Variants in NCF4 observed in about 807,000 individuals in gnomAD.
NCF4 encodes neutrophil cytosolic factor 4, also known as neutrophil cytosol factor 4.
A neutral mutation model predicts 41.7 loss-of-function variants in NCF4; 30 were observed. That is an observed-to-expected ratio of 0.72 (90% confidence interval 0.54 to 0.97). NCF4 has a LOEUF of 0.97. Among genes scored for constraint, NCF4 ranks in the 50% least tolerant of loss-of-function variants. The pLI is 0.00. For missense variants in NCF4, 432 were observed against 460.9 expected (o/e 0.94, Z 0.57); for synonymous variants, 195 against 175.8 (o/e 1.11, Z -0.87).
intron 7 of NCF4, among the ~76,000 whole-genome samples, chr22:36,872,944 G>T (rs34275024): frequency 1.8e-5 from 2 of 111,398 alleles, no homozygotes; most frequent in East Asian, 2.7e-4. Context: ...GGATGGAGGT[G>T]AGATTGGAGG....
chr22:36,862,211 G>C (rs1242773449), intron 1 of NCF4, among the ~76,000 whole-genome samples: 1 of 152,256 alleles, frequency 6.6e-6, no homozygotes, highest in Non-Finnish European at 1.5e-5. Flanking sequence ...CACTCAGGGG[G>C]TCACCAGAGA....
chr22:36,872,232 C>A (rs1569114622), intron 6 of NCF4, 95 bp from the exon 7 acceptor site: 2 of 1,011,072 alleles, frequency 2.0e-6, no homozygotes, highest in Non-Finnish European at 3.2e-6. Flanking sequence ...TCAGTTTCTA[C>A]ATCTGTAAAA....
Position 36,877,618 on chromosome 22 carries a change from T to TC in NCF4, c.825-7dup. 6.2e-7 allele frequency: 1 copy of TC among 1,614,108 alleles called. No individual in the cohort carries two copies. Among genetic ancestry groups the TC allele is most frequent in the Middle Eastern group, 1.6e-4 (1 of 6,062 alleles). ...AGGCCCTTTGATTATCCCTGACTTT[T>TC]CCCATGCAGGCGGGAGTTCCAGAGA... On this transcript the variant is annotated splice_polypyrimidine_tract_variant and intron_variant, in intron 9 of 9. Transcript: ENST00000248899.
chr22:36,873,545 C>T (rs561780597), intron 7 of NCF4, among the ~76,000 whole-genome samples: 14 of 152,148 alleles, frequency 9.2e-5, no homozygotes, highest in South Asian at 4.2e-4. Flanking sequence ...GGGGAGCCTG[C>T]GGGAACAAAG....
intron 9 of NCF4, 105 bp from the exon 10 acceptor site, chr22:36,877,523 C>A (rs1940218623): frequency 2.4e-6 from 3 of 1,232,164 alleles, no homozygotes; most frequent in Non-Finnish European, 2.4e-6. Context: ...CAGGCTCTGA[C>A]TTTTTCTTAC....
At chr22:36,871,116 C>T (rs544258855) in intron 5 of NCF4, among the ~76,000 whole-genome samples, 3 of 152,356 alleles carry the variant, frequency 2.0e-5, no homozygotes, top group Admixed American at 1.3e-4. Context: ...AGCTCCTGAG[C>T]TCCCCACCAG....
intron 7 of NCF4, among the ~76,000 whole-genome samples, chr22:36,875,000 G>A (rs141986093): frequency 1.1e-4 from 16 of 152,270 alleles, no homozygotes; most frequent in Non-Finnish European, 1.8e-4. Flanking sequence ...TGGAAACTCC[G>A]TGGGGGCAAG....
chr22:36,864,128 T>C lies in NCF4; in HGVS notation c.116T>C (p.Phe39Ser), dbSNP rs1341984523. Reference protein sequence around the residue: ...IEEKRGFTSHFVFVIEVKTKG... With the variant: ...IEEKRGFTSHSVFVIEVKTKG... ...GAGAAGAGAGGCTTCACCAGCCACT[T>C]TGTAAGACAGACTCCTAGTCCTTCA... Residue 39 changes from phenylalanine (F) to serine (S), a missense_variant and splice_region_variant, in exon 2 of 10, where the codon TTT (phenylalanine) becomes TCT (serine). Phe to Ser is a radical substitution (Grantham distance 155). Coordinates refer to ENST00000248899, the MANE Select transcript of NCF4 (RefSeq NM_000631.5). The C allele has an allele frequency of 6.2e-7, 1 of 1,611,218 alleles. No individual in the cohort carries two copies. Among genetic ancestry groups the C allele is most frequent in the Non-Finnish European group, 8.5e-7 (1 of 1,177,564 alleles).
intron 7 of NCF4, among the ~76,000 whole-genome samples, chr22:36,874,852 G>A (rs1053484474): frequency 3.9e-5 from 6 of 152,052 alleles, no homozygotes; most frequent in South Asian, 2.1e-4. Flanking sequence ...GTGAGTGAGC[G>A]GGATCAGCAG....
chr22:36,869,324 C>T (rs1226618484), intron 4 of NCF4, among the ~76,000 whole-genome samples: 1 of 152,186 alleles, frequency 6.6e-6, no homozygotes, highest in Non-Finnish European at 1.5e-5. Flanking sequence ...AATTCTCACA[C>T]AATCCCACGA....
At chr22:36,864,230 C>G in intron 2 of NCF4, 101 bp downstream of exon 2, 2 of 1,007,126 alleles carry the variant, frequency 2.0e-6, no homozygotes, top group Non-Finnish European at 3.2e-6. Flanking sequence ...ATTCTCTGAT[C>G]TCTTAACTTC....
chr22:36,869,268 A>G (rs1250010889), intron 4 of NCF4, among the ~76,000 whole-genome samples: 1 of 152,190 alleles, frequency 6.6e-6, no homozygotes, highest in Non-Finnish European at 1.5e-5. Flanking sequence ...GGCACCTGGT[A>G]TATGCCTGGT....
chr22:36,877,202 T>C (rs1378593134), intron 9 of NCF4, among the ~76,000 whole-genome samples: 2 of 152,018 alleles, frequency 1.3e-5, no homozygotes, highest in Non-Finnish European at 2.9e-5. Flanking sequence ...AGTGGTGCAA[T>C]CTCAGCTCAC....
intron 4 of NCF4, 36 bp downstream of exon 4, chr22:36,867,498 G>C: frequency 6.2e-7 from 1 of 1,609,646 alleles, no homozygotes; most frequent in South Asian, 1.1e-5. Context: ...CACGTGGAAG[G>C]GCATGCAGTA....
Position 36,861,127 on chromosome 22 carries a change from G to C in NCF4, c.-45G>C, listed in dbSNP as rs1460889986. On this transcript the variant is annotated 5_prime_UTR_variant, in exon 1 of 10. Transcript: ENST00000248899. ...TGAGAGGTGAACTCAGCCTGGGACT[G>C]GCTGGGCGAGACTCTCCACCTGCTC... 6.4e-7 allele frequency: 1 copy of C among 1,550,942 alleles called. No homozygotes were observed. Among genetic ancestry groups the C allele is most frequent in the East Asian group, 2.4e-5 (1 of 40,910 alleles).
rs761899056 is a variant in NCF4 at position 36,864,911 on chromosome 22, C to T, written c.118-8C>T. 14 of 1,613,938 alleles carry T rather than the reference C, an allele frequency of 8.7e-6. No individual in the cohort carries two copies. Among genetic ancestry groups the T allele is most frequent in the South Asian group, 2.2e-5 (2 of 91,082 alleles). ...CTGAGCCCTCCCCACAACCTCTGTC[C>T]TCCTTAGGTTTTCGTCATCGAGGTG... On this transcript the variant is annotated splice_polypyrimidine_tract_variant and splice_region_variant and intron_variant, in intron 2 of 9. Coordinates refer to ENST00000248899, the MANE Select transcript of NCF4 (RefSeq NM_000631.5).
chr22:36,875,377 G>A (rs898422774), intron 7 of NCF4, among the ~76,000 whole-genome samples: 1 of 152,158 alleles, frequency 6.6e-6, no homozygotes, highest in African/African-American at 2.4e-5. Context: ...CACGTGGCTG[G>A]TTCTCAAGAA....
At chr22:36,862,854 C>A (rs1262004728) in intron 1 of NCF4, among the ~76,000 whole-genome samples, 1 of 152,184 alleles carries the variant, frequency 6.6e-6, no homozygotes, top group African/African-American at 2.4e-5. Context: ...GTTTTGAGCA[C>A]CTACTATGTG....
At position 36,864,971 on chromosome 22, in the gene NCF4, G is replaced by C. The variant is rs746353194; in HGVS notation, c.170G>C (p.Arg57Pro). The stretch of plus-strand genomic sequence containing the variant: ...GGAGGATCCAAGTACCTCATCTACC[G>C]CCGCTACCGCCAGTTCCATGCTTTG... ...TKGGSKYLIY[R>P]RYRQFHALQS... The change falls in exon 3 of 10, where the codon CGC becomes CCC. Residue 57 changes from arginine (R) to proline (P), a missense_variant. Physicochemically the swap from Arg to Pro is moderately radical, Grantham distance 103. Transcript: ENST00000248899. 6.2e-7 allele frequency: 1 copy of C among 1,613,808 alleles called. No individual in the cohort carries two copies. Among genetic ancestry groups the C allele is most frequent in the African/African-American group, 1.3e-5 (1 of 74,840 alleles).
Sources: gnomAD v4.1 joint callset for allele counts (sites outside exome capture counted in the v4.1 genomes callset) on GRCh38, gnomAD v4.1.1 for gene constraint, MANE v1.5 for transcripts, NCBI Gene and HGNC (gene_info 2026-07-23, HGNC 2026-07-21) for gene names.